Variants in PLEKHA7 observed in about 807,000 individuals in gnomAD.
PLEKHA7 encodes the protein pleckstrin homology domain containing A7.
A neutral mutation model predicts 170.0 loss-of-function variants in PLEKHA7; 104 were observed. The observed-to-expected ratio is 0.61, with a 90% CI of 0.52 to 0.72. The LOEUF (loss-of-function observed/expected upper bound fraction) is 0.72, where lower values mean the gene tolerates loss of function less well. Among genes scored for constraint, PLEKHA7 ranks in the 30% least tolerant of loss-of-function variants. PLEKHA7 has a pLI of 0.00. For synonymous variants in PLEKHA7, 648 were observed against 660.8 expected (o/e 0.98, Z 0.30); for missense variants, 1,615 against 1,671.7 (o/e 0.97, Z 0.59).
In PLEKHA7 at chr11:16,892,638, T is replaced by C. The variant is rs1856737823; in HGVS notation, c.222-21456A>G. Among the ~76,000 whole-genome samples the C allele has an allele frequency of 2.1e-5, 3 of 143,778 alleles. No individual in the cohort carries two copies. In the South Asian group the frequency reaches 6.8e-4, roughly 33 times the overall value. 94.3% of individuals were successfully genotyped at this position (143,778 alleles called of 152,430 possible). On this transcript the variant is annotated intron_variant, in intron 3 of 26. Transcript: ENST00000531066. Reference sequence around the variant, plus strand: ...CAGCTTCTTTTTTTTTTTTTTTTTTTTTTCGTATTTTTAGTAGAGACAGGA... The same window carrying C: ...CAGCTTCTTTTTTTTTTTTTTTTTTCTTTCGTATTTTTAGTAGAGACAGGA...
chr11:16,963,910 A>T (rs1862215122), intron 3 of PLEKHA7, among the ~76,000 whole-genome samples: 1 of 152,186 alleles, frequency 6.6e-6, no homozygotes. Flanking sequence ...CAACGCCACT[A>T]TGTTCCTAAA....
chr11:16,888,409 A>G (rs1241574253), intron 3 of PLEKHA7, among the ~76,000 whole-genome samples: 3 of 152,226 alleles, frequency 2.0e-5, no homozygotes, highest in East Asian at 1.9e-4. Flanking sequence ...GACGGGGGGG[A>G]AATGTGGGGA....
intron 3 of PLEKHA7, among the ~76,000 whole-genome samples, chr11:16,952,867 A>G (rs561911644): frequency 5.5e-4 from 84 of 152,390 alleles, no homozygotes; most frequent in African/African-American, 1.9e-3. Context: ...TTAAAAACAC[A>G]AGAGAACAAA....
At chr11:17,011,151 C>T (rs138618963) in intron 3 of PLEKHA7, among the ~76,000 whole-genome samples, 2 of 152,318 alleles carry the variant, frequency 1.3e-5, no homozygotes, top group Non-Finnish European at 2.9e-5. Context: ...GTCCCACACG[C>T]GGCCTCACAC....
intron 26 of PLEKHA7, chr11:16,781,031 GGGA>G: frequency 1.0e-6 from 1 of 986,098 alleles, no homozygotes; most frequent in Non-Finnish European, 1.2e-6. Context: ...GCCTTTAGGC[GGGA>G]GGAGGGCCAG....
Position 16,826,211 on chromosome 11 carries a change from G to A in PLEKHA7, c.1252C>T (p.Pro418Ser), listed in dbSNP as rs1850629053. 1 of 1,614,202 alleles carries A rather than the reference G, an allele frequency of 6.2e-7. No individual in the cohort carries two copies. The highest frequency in any genetic ancestry group is 2.2e-5 in the East Asian group (1 of 44,878). ...CTGTGTTTTTCAGGGTTGGTCCTGG[G>A]AGGAAAGGCCCGCTGGTACCCACCA... is the stretch of plus-strand genomic sequence containing the variant. Reference protein sequence around the residue: ...GTGGYQRAFPPRTNPEKHSQR... With the variant: ...GTGGYQRAFPSRTNPEKHSQR... The change falls in exon 10 of 27, where the codon CCC (proline) becomes TCC (serine). Residue 418 changes from proline (P) to serine (S), a missense_variant. Coordinates refer to ENST00000531066, the MANE Select transcript of PLEKHA7 (RefSeq NM_001329630.2).
chr11:16,956,312 C>T (rs1449232930), intron 3 of PLEKHA7, among the ~76,000 whole-genome samples: 2 of 152,190 alleles, frequency 1.3e-5, no homozygotes, highest in Non-Finnish European at 1.5e-5. Flanking sequence ...TGCCACCATG[C>T]CCAGCCACAT....
chr11:16,910,688 G>C (rs1212229101), intron 3 of PLEKHA7, among the ~76,000 whole-genome samples: 1 of 152,156 alleles, frequency 6.6e-6, no homozygotes, highest in Non-Finnish European at 1.5e-5. Context: ...CATCCAGGGG[G>C]TAAAATCCAG....
chr11:16,909,020 C>A (rs561823409), intron 3 of PLEKHA7, among the ~76,000 whole-genome samples: 8 of 152,120 alleles, frequency 5.3e-5, no homozygotes, highest in East Asian at 1.9e-4. Flanking sequence ...AGTTCTCCCC[C>A]CTACTCTGTG....
intron 3 of PLEKHA7, among the ~76,000 whole-genome samples, chr11:16,889,412 A>ATATATATATAT (rs1459889235): frequency 8.7e-6 from 1 of 115,498 alleles, no homozygotes; most frequent in African/African-American, 3.8e-5. Flanking sequence ...AAAAAAAAAA[A>ATATATATATAT]AAAAAAAAAT....
intron 3 of PLEKHA7, among the ~76,000 whole-genome samples, chr11:16,902,646 G>A (rs1857413761): frequency 6.6e-6 from 1 of 152,060 alleles, no homozygotes; most frequent in Admixed American, 6.6e-5. Context: ...ATCTTCTTTG[G>A]CCCAGCTTGT....
intron 3 of PLEKHA7, among the ~76,000 whole-genome samples, chr11:16,925,728 C>T (rs1233170749): frequency 6.6e-6 from 1 of 152,238 alleles, no homozygotes; most frequent in Non-Finnish European, 1.5e-5. Flanking sequence ...CGGGGCCTTT[C>T]CGAGGAGCCC....
At chr11:16,805,592 T>C (rs77945491) in intron 13 of PLEKHA7, among the ~76,000 whole-genome samples, 23,140 of 151,634 alleles carry the variant, frequency 0.15, 2,251 homozygotes, top group Admixed American at 0.26. Context: ...GAGTTCAAGA[T>C]CAGTCTGGCC....
intron 3 of PLEKHA7, among the ~76,000 whole-genome samples, chr11:16,894,653 T>C (rs1308921114): frequency 6.6e-6 from 1 of 151,996 alleles, no homozygotes; most frequent in African/African-American, 2.4e-5. Flanking sequence ...ATGAAGAAGG[T>C]GAATGGTAAG....
At chr11:17,002,005 C>A (rs1864693570) in intron 3 of PLEKHA7, among the ~76,000 whole-genome samples, 1 of 152,196 alleles carries the variant, frequency 6.6e-6, no homozygotes, top group South Asian at 2.1e-4. Flanking sequence ...GCTCATAGGC[C>A]CCTAAGCTAA....
intron 4 of PLEKHA7, among the ~76,000 whole-genome samples, chr11:16,857,660 A>C (rs555213728): frequency 2.6e-5 from 4 of 152,266 alleles, no homozygotes; most frequent in Non-Finnish European, 4.4e-5. Context: ...TGTATCTCTA[A>C]GCTAAAATTC....
At chr11:16,996,402 C>T (rs1590813317) in intron 3 of PLEKHA7, among the ~76,000 whole-genome samples, 1 of 152,190 alleles carries the variant, frequency 6.6e-6, no homozygotes, top group Non-Finnish European at 1.5e-5. Context: ...CTCCACCTAT[C>T]CCATCTGAGA....
intron 3 of PLEKHA7, among the ~76,000 whole-genome samples, chr11:16,887,961 C>A (rs1285074113): frequency 1.3e-5 from 2 of 151,692 alleles, no homozygotes; most frequent in Non-Finnish European, 2.9e-5. Flanking sequence ...GCTCTCTGCC[C>A]GGCCGCCCAT....
chr11:17,010,023 A>G (rs1865232095), intron 3 of PLEKHA7, among the ~76,000 whole-genome samples: 1 of 152,190 alleles, frequency 6.6e-6, no homozygotes, highest in Non-Finnish European at 1.5e-5. Flanking sequence ...CATTAATGCA[A>G]AATTGAACAA....
Sources: allele counts gnomAD v4.1 joint callset (sites outside exome capture counted in the v4.1 genomes callset), GRCh38; gene constraint gnomAD v4.1.1; transcripts MANE v1.5; gene names NCBI Gene and HGNC (gene_info 2026-07-23, HGNC 2026-07-21).